CCSER1: variants seen among roughly 807,000 people sequenced by gnomAD.
The protein encoded by CCSER1 is serine-rich coiled-coil domain-containing protein 1.
In CCSER1, 41 loss-of-function variants were observed where a neutral mutation model predicts 82.0. The observed-to-expected ratio is 0.50, with a 90% confidence interval of 0.39 to 0.65. The LOEUF is 0.65. Ranked by LOEUF, CCSER1 falls within the 30% of genes least tolerant of loss-of-function variation. The pLI is 0.00. For missense variants in CCSER1, 1,119 were observed against 1,064.2 expected, an observed-to-expected ratio of 1.05 and a Z score of -0.72; for synonymous variants, 414 against 383.9, an observed-to-expected ratio of 1.08 and a Z score of -0.92.
rs185487211 is a variant in CCSER1, at chr4:91,329,169, C to A, written c.2217+243175C>A. Among the ~76,000 whole-genome samples, 964 of 152,104 alleles carry A rather than the reference C, an allele frequency of 6.3e-3. 12 individuals are homozygous for A. Among genetic ancestry groups the A allele is most frequent in the African/African-American group, 0.022 (900 of 41,496 alleles). ...ATAGAACTCTAATTTATCTTCCACA[C>A]AAAAAGAGTAGTTAAAATATCTGTG... On this transcript the variant is annotated intron_variant, in intron 10 of 10. Coordinates refer to ENST00000509176, the MANE Select transcript of CCSER1 (RefSeq NM_001145065.2).
intron 10 of CCSER1, among the ~76,000 whole-genome samples, chr4:91,564,487 T>A (rs1762793712): frequency 6.6e-6 from 1 of 152,058 alleles, no homozygotes. Flanking sequence ...TCCACAATGG[T>A]TGAACTAATT....
At chr4:91,574,697 G>A (rs1763354133) in intron 10 of CCSER1, among the ~76,000 whole-genome samples, 1 of 151,848 alleles carries the variant, frequency 6.6e-6, no homozygotes, top group African/African-American at 2.4e-5. Flanking sequence ...AACATCATGG[G>A]CATAAAAATG....
intron 10 of CCSER1, among the ~76,000 whole-genome samples, chr4:91,471,487 G>C (rs1396957257): frequency 1.3e-5 from 2 of 152,102 alleles, no homozygotes; most frequent in African/African-American, 2.4e-5. Flanking sequence ...TACTCTCACG[G>C]TTGTCATGAG....
At chr4:90,691,589 T>C (rs1735930940) in intron 6 of CCSER1, among the ~76,000 whole-genome samples, 1 of 108,612 alleles carries the variant, frequency 9.2e-6, no homozygotes, top group African/African-American at 2.9e-5. Context: ...TGCATGTGAA[T>C]ATATCACATG....
intron 8 of CCSER1, among the ~76,000 whole-genome samples, chr4:90,831,281 T>G (rs1761078650): frequency 6.6e-6 from 1 of 152,176 alleles, no homozygotes; most frequent in Non-Finnish European, 1.5e-5. Flanking sequence ...GGATTTGACT[T>G]TTACAGTGAA....
chr4:90,800,256 TTTC>T (rs146286924), intron 7 of CCSER1, among the ~76,000 whole-genome samples: 3,278 of 152,242 alleles, frequency 0.022, 122 homozygotes, highest in African/African-American at 0.075. Context: ...CATTTTTTCT[TTTC>T]TTCTTCTTAT....
At chr4:90,909,938 TA>T (rs1340713240) in intron 8 of CCSER1, among the ~76,000 whole-genome samples, 1 of 152,186 alleles carries the variant, frequency 6.6e-6, no homozygotes, top group Non-Finnish European at 1.5e-5. Flanking sequence ...CACACTGCTA[TA>T]AAGAACTACC....
chr4:90,304,380 A>C (rs1733804508), intron 1 of CCSER1, among the ~76,000 whole-genome samples: 1 of 152,236 alleles, frequency 6.6e-6, no homozygotes, highest in African/African-American at 2.4e-5. Flanking sequence ...TCACAACAGC[A>C]AAGACTTGGA....
chr4:90,628,352 C>G lies in CCSER1; in HGVS notation c.1932+120C>G, dbSNP rs987053027. ...ATGACATTGGGCAGGGGTCAGGTTTCCTCTTGGAGCTTAGCTATTTTCATA... is the reference window on the plus strand; with the variant it reads ...ATGACATTGGGCAGGGGTCAGGTTTGCTCTTGGAGCTTAGCTATTTTCATA... On this transcript the variant is annotated intron_variant, in intron 6 of 10. Coordinates refer to ENST00000509176, the MANE Select transcript of CCSER1 (RefSeq NM_001145065.2). 1.1e-5 allele frequency: 8 copies of G among 696,742 alleles called. No homozygotes were observed. The African/African-American group carries it at 1.4e-4, about 13-fold the overall frequency. 43.2% of individuals were successfully genotyped at this position (696,742 alleles called of 1,614,324 possible). A position where few individuals can be genotyped will look rare whatever the true frequency, so the allele number is the denominator to read the frequency against.
At chr4:91,526,137 T>A (rs1760752141) in intron 10 of CCSER1, among the ~76,000 whole-genome samples, 1 of 152,120 alleles carries the variant, frequency 6.6e-6, no homozygotes, top group Non-Finnish European at 1.5e-5. Context: ...CCCTTTTAAG[T>A]CCCATAAGAA....
chr4:90,349,735 ATAAT>A (rs72040225), intron 3 of CCSER1, among the ~76,000 whole-genome samples: 38,301 of 151,774 alleles, frequency 0.25, 5,037 homozygotes, highest in African/African-American at 0.32. Context: ...AATTATAACA[ATAAT>A]TAGAGTTACA....
chr4:90,278,961 T>G (rs1418768617), intron 1 of CCSER1, among the ~76,000 whole-genome samples: 1 of 152,086 alleles, frequency 6.6e-6, no homozygotes. Flanking sequence ...TCCATAAGCG[T>G]AGGTTTATAC....
chr4:90,675,584 T>A (rs62314419), intron 6 of CCSER1, among the ~76,000 whole-genome samples: 7 of 117,936 alleles, frequency 5.9e-5, no homozygotes, highest in East Asian at 3.3e-4. Flanking sequence ...TTGATGTTGA[T>A]GTATTTGAAA....
chr4:90,147,681 G>A (rs1173314167), intron 1 of CCSER1, among the ~76,000 whole-genome samples: 2 of 151,990 alleles, frequency 1.3e-5, no homozygotes, highest in Non-Finnish European at 2.9e-5. Flanking sequence ...AAAATGATAT[G>A]AATACATCCG....
At chr4:91,441,719 A>T (rs1283101893) in intron 10 of CCSER1, among the ~76,000 whole-genome samples, 1 of 152,014 alleles carries the variant, frequency 6.6e-6, no homozygotes, top group Non-Finnish European at 1.5e-5. Context: ...TATCTAGAAA[A>T]CCCCATTGTC....
intron 1 of CCSER1, among the ~76,000 whole-genome samples, chr4:90,241,013 C>G (rs926229120): frequency 6.6e-6 from 1 of 152,138 alleles, no homozygotes; most frequent in African/African-American, 2.4e-5. Context: ...TAATTAAAAC[C>G]ATTTAAATCA....
intron 3 of CCSER1, among the ~76,000 whole-genome samples, chr4:90,397,012 T>A (rs1752053436): frequency 6.6e-6 from 1 of 152,142 alleles, no homozygotes; most frequent in African/African-American, 2.4e-5. Flanking sequence ...GGAAAAGATG[T>A]TTTTAGGTTT....
intron 10 of CCSER1, among the ~76,000 whole-genome samples, chr4:91,141,950 A>T (rs1008174088): frequency 7.9e-5 from 12 of 151,990 alleles, no homozygotes; most frequent in African/African-American, 2.4e-4. Context: ...TCTTTTAATG[A>T]TGTTACTTGT....
chr4:91,384,977 G>A (rs1446181142), intron 10 of CCSER1, among the ~76,000 whole-genome samples: 1 of 152,046 alleles, frequency 6.6e-6, no homozygotes, highest in Non-Finnish European at 1.5e-5. Flanking sequence ...CTCATGCATT[G>A]CATCTGGGAA....
Sources: gnomAD v4.1 joint callset for allele counts (sites outside exome capture counted in the v4.1 genomes callset) on GRCh38, gnomAD v4.1.1 for gene constraint, MANE v1.5 for transcripts, NCBI Gene and HGNC (gene_info 2026-07-23, HGNC 2026-07-21) for gene names.